ZNF83: variants seen among roughly 807,000 people sequenced by gnomAD.
ZNF83 encodes the protein zinc finger protein 816B.
For missense variants in ZNF83, 552 were observed against 629.9 expected (o/e 0.88, Z 1.32); for synonymous variants, 209 against 213.0 (o/e 0.98, Z 0.17).
chr19:52,654,028 A>G, intron 3 of ZNF83: 4 of 1,571,772 alleles, frequency 2.5e-6, no homozygotes, highest in African/African-American at 2.7e-5. Flanking sequence ...TGTTGAAACC[A>G]AGGAAGCATT....
exon 3 of ZNF83, chr19:52,614,113 C>T (rs769696196): frequency 1.2e-6 from 2 of 1,614,032 alleles, no homozygotes; most frequent in Admixed American, 3.3e-5. Context: ...ACATTCATTA[C>T]ATTTATATGG....
intron 2 of ZNF83, among the ~76,000 whole-genome samples, chr19:52,621,491 C>T (rs975289973): frequency 6.6e-6 from 1 of 152,126 alleles, no homozygotes; most frequent in Non-Finnish European, 1.5e-5. Context: ...GATTATTCAC[C>T]CACATTTCAG....
chr19:52,652,817 T>C lies in ZNF83; in HGVS notation c.-74+2744A>G, dbSNP rs1301243194. The stretch of plus-strand genomic sequence containing the variant: ...CCACACTCATTGCACTTATAAGGAT[T>C]TTCTCCAGTATGAAGTCTATGATGG... On this transcript the variant is annotated intron_variant, in intron 3 of 5. Coordinates refer to the ZNF83 transcript ENST00000594682. 17 of 921,184 alleles carry C rather than the reference T, an allele frequency of 1.8e-5. 1 individual carries two copies. In the Middle Eastern group the frequency reaches 1.1e-3, roughly 62 times the overall value. The allele number at this position is 921,184 out of a possible 1,614,324, so 57.1% of individuals were successfully genotyped here.
intron 3 of ZNF83, chr19:52,652,956 C>G: frequency 2.4e-6 from 3 of 1,269,944 alleles, no homozygotes; most frequent in Admixed American, 1.7e-5. Flanking sequence ...GACTGAAGGT[C>G]TTGCCACACT....
At chr19:52,655,457 T>C in intron 3 of ZNF83, 1 of 1,093,350 alleles carries the variant, frequency 9.1e-7, no homozygotes, top group Non-Finnish European at 1.3e-6. Context: ...GACATGTACA[T>C]CAAAAGCATG....
At chr19:52,648,074 C>CAT (rs2061396601) in intron 3 of ZNF83, among the ~76,000 whole-genome samples, 1 of 152,016 alleles carries the variant, frequency 6.6e-6, no homozygotes, top group Non-Finnish European at 1.5e-5. Flanking sequence ...CCTCTTCCTG[C>CAT]CTTGCTGTTC....
chr19:52,643,589 T>C (rs2061336066), intron 3 of ZNF83, among the ~76,000 whole-genome samples: 1 of 151,930 alleles, frequency 6.6e-6, no homozygotes, highest in South Asian at 2.1e-4. Context: ...TAGTCCCAGC[T>C]ACTCGGGAGG....
At chr19:52,684,249 C>T (rs2061976258) in intron 1 of ZNF83, among the ~76,000 whole-genome samples, 1 of 151,962 alleles carries the variant, frequency 6.6e-6, no homozygotes, top group African/African-American at 2.4e-5. Flanking sequence ...ATCTGTAATC[C>T]CAGCTACTCG....
chr19:52,650,852 C>G (rs139846560), intron 3 of ZNF83: 5 of 152,266 alleles, frequency 3.3e-5, no homozygotes, highest in African/African-American at 1.2e-4. Flanking sequence ...AACCTGTTTA[C>G]TACAGCAGAA....
At chr19:52,620,512 G>A in intron 2 of ZNF83, among the ~76,000 whole-genome samples, 1 of 152,128 alleles carries the variant, frequency 6.6e-6, no homozygotes, top group Non-Finnish European at 1.5e-5. Context: ...CTTATACAGA[G>A]AAAAGTCACA....
At chr19:52,636,167 C>A (rs1180325262) in intron 1 of ZNF83, 1 of 151,658 alleles carries the variant, frequency 6.6e-6, no homozygotes, top group East Asian at 1.9e-4. Context: ...AGAAAACTAG[C>A]CGGGCTTCTT....
rs769314361 is a variant in ZNF83, at chr19:52,614,172, A to G, written c.393T>C (p.Asn131=). 1.5e-5 allele frequency: 24 copies of G among 1,613,956 alleles called. No homozygotes were observed. The Admixed American group carries it at 2.2e-4, about 15-fold the overall frequency. ...GATGACTTGCAAGGTTTGATTTTTT[A>G]TTGAAGATCTTGCCACATATATCAC... The change falls in exon 3 of 3, where the codon AAT becomes AAC. Residue 131 remains asparagine (N), a synonymous_variant. Coordinates refer to ENST00000301096, the Ensembl canonical transcript of ZNF83.
At position 52,687,616 on chromosome 19, in the gene ZNF83, G is replaced by GTATA. The variant is rs1427281800; in HGVS notation, c.-283+2823_-283+2826dup. On this transcript the variant is annotated intron_variant, in intron 1 of 5. Transcript: ENST00000594682. The stretch of plus-strand genomic sequence containing the variant: ...TATATAATGTATATATATATAATGT[G>GTATA]TATATATATATATAATGTATATATA... Among the ~76,000 whole-genome samples the GTATA allele has an allele frequency of 3.5e-3, 55 of 15,820 alleles. 7 individuals carry two copies. The East Asian group carries it at 0.066, about 19-fold the overall frequency. The allele number at this position is 15,820 out of a possible 152,430, so 10.4% of individuals were successfully genotyped here.
chr19:52,641,519 T>C (rs1416565353), upstream of ZNF83, among the ~76,000 whole-genome samples: 3 of 152,210 alleles, frequency 2.0e-5, no homozygotes, highest in Non-Finnish European at 2.9e-5. Flanking sequence ...GTTGAATAAA[T>C]ATGAAGGAGT....
At chr19:52,654,648 C>T (rs564973556) in intron 3 of ZNF83, among the ~76,000 whole-genome samples, 18 of 152,196 alleles carry the variant, frequency 1.2e-4, no homozygotes, top group African/African-American at 3.6e-4. Flanking sequence ...ACCTAGGAGG[C>T]AGAGATTGCA....
chr19:52,635,205 C>A, intron 1 of ZNF83, 52 bp from the exon 2 acceptor site: 1 of 556,140 alleles, frequency 1.8e-6, no homozygotes, highest in Non-Finnish European at 3.2e-6. Context: ...CACCCCATTC[C>A]TGTAACATAA....
At chr19:52,666,381 T>C (rs1244015668) in intron 1 of ZNF83, among the ~76,000 whole-genome samples, 1 of 152,012 alleles carries the variant, frequency 6.6e-6, no homozygotes, top group Non-Finnish European at 1.5e-5. Context: ...TCCATGACCC[T>C]ATAACACTCC....
At chr19:52,615,875 G>A (rs768571915) in intron 2 of ZNF83, among the ~76,000 whole-genome samples, 2 of 152,098 alleles carry the variant, frequency 1.3e-5, no homozygotes, top group Non-Finnish European at 2.9e-5. Flanking sequence ...TCTCACTCTT[G>A]TGCCCCAGGC....
chr19:52,637,877 T>G (rs1326130110), intron 1 of ZNF83, among the ~76,000 whole-genome samples: 1 of 151,972 alleles, frequency 6.6e-6, no homozygotes, highest in Non-Finnish European at 1.5e-5. Flanking sequence ...AGACGGCGCC[T>G]TAAGACAAGG....
Sources: allele counts gnomAD v4.1 joint callset (sites outside exome capture counted in the v4.1 genomes callset), GRCh38; gene constraint gnomAD v4.1.1; transcripts MANE v1.5; gene names NCBI Gene and HGNC (gene_info 2026-07-23, HGNC 2026-07-21).